The following RBMS1 variants were observed in gnomAD, a reference collection of about 807,000 sequenced individuals.
The protein encoded by RBMS1 is RNA binding motif single stranded interacting protein 1.
Under a neutral mutation model 62.3 loss-of-function variants are expected in RBMS1, and 17 were observed. The ratio of observed to expected loss-of-function variants is 0.27; its 90% CI spans 0.19 to 0.41. The LOEUF is 0.41. RBMS1 is among the 10% of genes least tolerant of loss of function. The pLI is 1.00. For missense variants in RBMS1, 334 were observed against 504.5 expected (o/e 0.66, Z 3.24); for synonymous variants, 172 against 170.0 (o/e 1.01, Z -0.09).
chr2:160,315,589 A>C (rs1690171937), intron 3 of RBMS1, among the ~76,000 whole-genome samples: 1 of 152,188 alleles, frequency 6.6e-6, no homozygotes, highest in Non-Finnish European at 1.5e-5. Flanking sequence ...TAATAACTTA[A>C]AGCTGCCTGC....
chr2:160,416,610 C>T (rs979436357), intron 1 of RBMS1, among the ~76,000 whole-genome samples: 3 of 152,126 alleles, frequency 2.0e-5, no homozygotes, highest in African/African-American at 2.4e-5. Flanking sequence ...CCACCAGTGC[C>T]GACCTTTTTT....
intron 2 of RBMS1, among the ~76,000 whole-genome samples, chr2:160,323,505 G>A (rs1285822631): frequency 6.6e-6 from 1 of 150,608 alleles, no homozygotes; most frequent in Non-Finnish European, 1.5e-5. Flanking sequence ...ACGGAATAGG[G>A]ACATATGATG....
In RBMS1 at chr2:160,303,315, G is replaced by C. The variant is rs1299887121; in HGVS notation, c.560+15C>G. 3.8e-6 allele frequency: 6 copies of C among 1,584,676 alleles called. No homozygotes were observed. The African/African-American group carries it at 4.1e-5, about 11-fold the overall frequency. On this transcript the variant is annotated intron_variant, in intron 5 of 13. Transcript: ENST00000348849. ...TATTGTTGTTGACATAATAAAGACT[G>C]GGCAGAAGGCTTACCTAGCAAAGCC... is the stretch of plus-strand genomic sequence containing the variant.
intron 1 of RBMS1, among the ~76,000 whole-genome samples, chr2:160,381,970 T>C (rs896191283): frequency 2.0e-5 from 3 of 152,226 alleles, no homozygotes; most frequent in Non-Finnish European, 2.9e-5. Context: ...ACTTTCTAAA[T>C]GGTGTTTCTA....
intron 3 of RBMS1, among the ~76,000 whole-genome samples, chr2:160,315,331 C>A (rs4335904): frequency 0.74 from 112,376 of 152,112 alleles, 42,434 homozygotes; most frequent in East Asian, 0.84. Flanking sequence ...AGACAATATA[C>A]AATTTGAGTT....
intron 1 of RBMS1, among the ~76,000 whole-genome samples, chr2:160,404,983 T>C (rs1695625391): frequency 6.6e-6 from 1 of 152,226 alleles, no homozygotes; most frequent in African/African-American, 2.4e-5. Flanking sequence ...ATCCTGGCTC[T>C]GCACTTTGAG....
At chr2:160,335,988 G>A (rs1691546508) in intron 2 of RBMS1, among the ~76,000 whole-genome samples, 1 of 152,168 alleles carries the variant, frequency 6.6e-6, no homozygotes, top group African/African-American at 2.4e-5. Context: ...AGGATAAGCT[G>A]TCCTTCATCA....
At chr2:160,365,668 G>T (rs1389659722) in intron 2 of RBMS1, among the ~76,000 whole-genome samples, 1 of 152,120 alleles carries the variant, frequency 6.6e-6, no homozygotes, top group Non-Finnish European at 1.5e-5. Context: ...AGAACAATTT[G>T]TTTTTTGAAT....
chr2:160,327,137 GA>G (rs2105979387), intron 2 of RBMS1, among the ~76,000 whole-genome samples: 1 of 152,298 alleles, frequency 6.6e-6, no homozygotes, highest in African/African-American at 2.4e-5. Context: ...ATTTTTTCAA[GA>G]GAAGATACAG....
At chr2:160,392,489 T>C (rs77916252) in intron 1 of RBMS1, among the ~76,000 whole-genome samples, 3,028 of 151,602 alleles carry the variant, frequency 0.02, 102 homozygotes, top group African/African-American at 0.067. Flanking sequence ...ATCCCAACTA[T>C]AGATAGTGTA....
intron 7 of RBMS1, among the ~76,000 whole-genome samples, chr2:160,286,312 T>C (rs1688389581): frequency 6.0e-5 from 9 of 150,844 alleles, no homozygotes; most frequent in African/African-American, 2.2e-4. Flanking sequence ...TCTTTTTTTT[T>C]TTTTTTTATT....
intron 1 of RBMS1, among the ~76,000 whole-genome samples, chr2:160,426,310 G>A (rs1486736047): frequency 3.8e-5 from 3 of 79,436 alleles, no homozygotes; most frequent in Non-Finnish European, 9.2e-5. Flanking sequence ...AGGAAGGAAG[G>A]AAGGAAGGAA....
At position 160,272,767 on chromosome 2, in the gene RBMS1, A is replaced by C. The variant is rs1458612554; in HGVS notation, c.*2005T>G. 6.6e-6 allele frequency: 1 copy of C among 152,236 alleles called. No homozygotes were observed. The highest frequency in any genetic ancestry group is 1.9e-4 in the East Asian group (1 of 5,198). The allele number at this position is 152,236 out of a possible 1,614,324, so 9.4% of individuals were successfully genotyped here. A position where few individuals can be genotyped will look rare whatever the true frequency, so the allele number is the denominator to read the frequency against. ...TTAAAAAAATGAAACAAAAACAAAA[A>C]CAAAAACACATTTCTCTTATGACTA... is the stretch of plus-strand genomic sequence containing the variant. On this transcript the variant is annotated 3_prime_UTR_variant, in exon 14 of 14. Coordinates refer to ENST00000348849, the MANE Select transcript of RBMS1 (RefSeq NM_016836.4).
intron 2 of RBMS1, among the ~76,000 whole-genome samples, chr2:160,324,907 T>TATATACAC (rs1321182985): frequency 6.6e-4 from 70 of 106,800 alleles, no homozygotes; most frequent in African/African-American, 2.3e-3. Context: ...TATATATATA[T>TATATACAC]ACACACACAC....
chr2:160,383,163 T>C (rs1694366758), intron 1 of RBMS1, among the ~76,000 whole-genome samples: 1 of 152,162 alleles, frequency 6.6e-6, no homozygotes, highest in South Asian at 2.1e-4. Flanking sequence ...AAGTCTGCAA[T>C]TAGGGTGTTA....
At chr2:160,287,979 A>G (rs2105937962) in intron 6 of RBMS1, among the ~76,000 whole-genome samples, 1 of 150,954 alleles carries the variant, frequency 6.6e-6, no homozygotes, top group East Asian at 1.9e-4. Flanking sequence ...TACAGAATCC[A>G]TGAGGCCAAA....
chr2:160,475,930 C>T (rs1468792489), intron 1 of RBMS1, among the ~76,000 whole-genome samples: 1 of 150,044 alleles, frequency 6.7e-6, no homozygotes, highest in Non-Finnish European at 1.5e-5. Context: ...GATCTTGGCT[C>T]ACTGCAACCT....
At chr2:160,284,484 G>A (rs1182159187) in intron 9 of RBMS1, 2 of 396,378 alleles carry the variant, frequency 5.0e-6, no homozygotes, top group Non-Finnish European at 9.4e-6. Flanking sequence ...TGGGACACAT[G>A]GTGTCCAAAA....
chr2:160,462,514 G>C (rs1477331178), intron 1 of RBMS1, among the ~76,000 whole-genome samples: 2 of 152,148 alleles, frequency 1.3e-5, no homozygotes, highest in East Asian at 3.9e-4. Flanking sequence ...TCTAGTACTG[G>C]GTAAGTAGAA....
Sources: gnomAD v4.1 joint callset for allele counts (sites outside exome capture counted in the v4.1 genomes callset) on GRCh38, gnomAD v4.1.1 for gene constraint, MANE v1.5 for transcripts, NCBI Gene and HGNC (gene_info 2026-07-23, HGNC 2026-07-21) for gene names.